The following NDC1 variants were observed in gnomAD, a reference collection of about 807,000 sequenced individuals.
NDC1 encodes the protein nucleoporin NDC1.
In NDC1, 24 loss-of-function variants were observed where a neutral mutation model predicts 89.8. That is an observed-to-expected ratio of 0.27 (90% CI 0.19 to 0.38). The LOEUF is 0.38. NDC1 is among the 10% of genes least tolerant of loss of function. NDC1 has a pLI of 1.00. For synonymous variants in NDC1, 296 were observed against 284.8 expected, an observed-to-expected ratio of 1.04 and a Z score of -0.39; for missense variants, 728 against 797.6, an observed-to-expected ratio of 0.91 and a Z score of 1.05.
intron 5 of NDC1, among the ~76,000 whole-genome samples, chr1:53,824,274 AAG>A (rs969599326): frequency 2.0e-5 from 3 of 151,312 alleles, no homozygotes; most frequent in Non-Finnish European, 3.0e-5. Flanking sequence ...GAAATTTAAA[AAG>A]AGAGAGAGAG....
At chr1:53,789,053 A>C in intron 15 of NDC1, 80 bp downstream of exon 15, 1 of 917,492 alleles carries the variant, frequency 1.1e-6, no homozygotes. Flanking sequence ...ATCAAGGACC[A>C]GAACTGACCT....
chr1:53,802,930 A>G (rs1647970965), intron 10 of NDC1, among the ~76,000 whole-genome samples: 1 of 152,160 alleles, frequency 6.6e-6, no homozygotes, highest in African/African-American at 2.4e-5. Flanking sequence ...CTGTACATGG[A>G]GCCAAATGAC....
intron 5 of NDC1, among the ~76,000 whole-genome samples, chr1:53,820,100 C>T (rs1191829429): frequency 1.3e-5 from 2 of 151,868 alleles, no homozygotes; most frequent in Admixed American, 6.6e-5. Context: ...ACTACAAATA[C>T]AAAAATTAGC....
intron 6 of NDC1, among the ~76,000 whole-genome samples, chr1:53,813,782 C>T (rs781646509): frequency 6.6e-6 from 1 of 152,086 alleles, no homozygotes; most frequent in African/African-American, 2.4e-5. Flanking sequence ...ATGGACTTAA[C>T]AGATAGATAC....
At chr1:53,798,200 C>T (rs1410812720) in intron 11 of NDC1, among the ~76,000 whole-genome samples, 1 of 141,258 alleles carries the variant, frequency 7.1e-6, no homozygotes, top group Non-Finnish European at 1.5e-5. Flanking sequence ...GATAGAGTCT[C>T]ACTCTGTGGC....
intron 1 of NDC1, among the ~76,000 whole-genome samples, chr1:53,837,617 T>C (rs1226970910): frequency 1.3e-5 from 2 of 152,162 alleles, no homozygotes; most frequent in Non-Finnish European, 2.9e-5. Flanking sequence ...GTTTTTAGTT[T>C]GGAATACAGG....
At chr1:53,813,485 A>G (rs943275588) in intron 6 of NDC1, among the ~76,000 whole-genome samples, 1 of 152,206 alleles carries the variant, frequency 6.6e-6, no homozygotes, top group African/African-American at 2.4e-5. Context: ...AGCTATTCTT[A>G]TATCAGACAA....
At chr1:53,778,679 T>C (rs1255519086) in intron 16 of NDC1, among the ~76,000 whole-genome samples, 1 of 151,936 alleles carries the variant, frequency 6.6e-6, no homozygotes, top group Non-Finnish European at 1.5e-5. Context: ...TAAATGACAA[T>C]AGTATGTGAA....
At chr1:53,803,326 C>CA (rs2100659010) in intron 10 of NDC1, among the ~76,000 whole-genome samples, 1 of 152,248 alleles carries the variant, frequency 6.6e-6, no homozygotes, top group East Asian at 1.9e-4. Context: ...CTTGGCCTCC[C>CA]AAAGTGCTAG....
At chr1:53,807,832 G>T in intron 7 of NDC1, 41 bp from the exon 8 acceptor site, 1 of 1,563,414 alleles carries the variant, frequency 6.4e-7, no homozygotes, top group Non-Finnish European at 8.6e-7. Context: ...TAGGAAAAAT[G>T]CAATCTAAAT....
At chr1:53,807,307 G>A (rs1014370072) in intron 8 of NDC1, among the ~76,000 whole-genome samples, 3 of 142,204 alleles carry the variant, frequency 2.1e-5, no homozygotes, top group African/African-American at 7.8e-5. Flanking sequence ...TATTTTAATA[G>A]TAGCTATGCC....
At chr1:53,801,908 C>T (rs1036039363) in intron 10 of NDC1, among the ~76,000 whole-genome samples, 103 of 152,098 alleles carry the variant, frequency 6.8e-4, no homozygotes, top group Admixed American at 6.6e-3. Flanking sequence ...AGGTGTGCAA[C>T]ACCATGCCCA....
chr1:53,776,343 T>TATTTC (rs1647162911), intron 16 of NDC1, among the ~76,000 whole-genome samples: 1 of 152,180 alleles, frequency 6.6e-6, no homozygotes, highest in Non-Finnish European at 1.5e-5. Context: ...TAGCCACATG[T>TATTTC]AGCTATTGAG....
At chr1:53,809,320 A>T (rs1275835975) in intron 7 of NDC1, among the ~76,000 whole-genome samples, 1 of 152,184 alleles carries the variant, frequency 6.6e-6, no homozygotes, top group Non-Finnish European at 1.5e-5. Context: ...GAGTGGAGAC[A>T]GAGGAGGAGA....
intron 14 of NDC1, among the ~76,000 whole-genome samples, chr1:53,792,749 G>T (rs1647563220): frequency 6.6e-6 from 1 of 152,222 alleles, no homozygotes; most frequent in South Asian, 2.1e-4. Flanking sequence ...CTCTCCTGTG[G>T]CAGCTGGAAC....
At chr1:53,835,475 T>G in intron 2 of NDC1, 25 bp downstream of exon 2, 1 of 1,585,868 alleles carries the variant, frequency 6.3e-7, no homozygotes, top group Non-Finnish European at 8.5e-7. Context: ...CCTATAACTT[T>G]CTCCCCAAGT....
intron 11 of NDC1, among the ~76,000 whole-genome samples, 162 bp from the exon 12 acceptor site, chr1:53,797,306 T>C (rs1180462842): frequency 6.6e-6 from 1 of 152,246 alleles, no homozygotes; most frequent in Non-Finnish European, 1.5e-5. Flanking sequence ...TCGATTTTAC[T>C]ACTGCATTCA....
chr1:53,771,099 A>C (rs1320263407), intron 17 of NDC1: 2 of 187,030 alleles, frequency 1.1e-5, no homozygotes, highest in African/African-American at 4.7e-5. Flanking sequence ...TCTCGAATAC[A>C]ATGTCCCCCC....
rs113270967 is a variant in NDC1, at chr1:53,789,054, G to A, written c.1699+79C>T. 667 of 940,288 alleles carry A rather than the reference G, an allele frequency of 7.1e-4. 3 individuals carry two copies. The African/African-American group carries it at 9.7e-3, about 14-fold the overall frequency. The allele number at this position is 940,288 out of a possible 1,614,324, so 58.2% of individuals were successfully genotyped here. A position where few individuals can be genotyped will look rare whatever the true frequency, so the allele number is the denominator to read the frequency against. ...ATTCAAAGACTGAAATCAAGGACCAGAACTGACCTTTCATGAATTATACTT... is the reference window on the plus strand; with the variant it reads ...ATTCAAAGACTGAAATCAAGGACCAAAACTGACCTTTCATGAATTATACTT... On this transcript the variant is annotated intron_variant, in intron 15 of 17. Transcript: ENST00000371429.
Sources: allele counts gnomAD v4.1 joint callset (sites outside exome capture counted in the v4.1 genomes callset), GRCh38; gene constraint gnomAD v4.1.1; transcripts MANE v1.5; gene names NCBI Gene and HGNC (gene_info 2026-07-23, HGNC 2026-07-21).